GNPDA2: variants seen among roughly 807,000 people sequenced by gnomAD.
The protein encoded by GNPDA2 is glcN6P deaminase 2.
In GNPDA2, 24 loss-of-function variants were observed where a neutral mutation model predicts 27.0. The observed-to-expected ratio is 0.89, with a 90% CI of 0.64 to 1.25. The LOEUF (loss-of-function observed/expected upper bound fraction) is 1.25. Ranked by LOEUF, GNPDA2 falls within the 50% of genes most tolerant of loss-of-function variation. The probability of loss-of-function intolerance (pLI) is 0.00; values close to 1 mark genes in which losing one functional copy is unlikely to be tolerated. For missense variants in GNPDA2, 286 were observed against 335.1 expected (o/e 0.85, Z 1.14); for synonymous variants, 94 against 108.4 (o/e 0.87, Z 0.83).
At chr4:44,706,903 T>G (rs1348980590) in intron 6 of GNPDA2, 1 of 152,014 alleles carries the variant, frequency 6.6e-6, no homozygotes, top group Non-Finnish European at 1.5e-5. Context: ...AAAAGTAGCA[T>G]ACATACTACA....
At chr4:44,705,013 T>C (rs1446807231) in intron 6 of GNPDA2, 6 of 979,668 alleles carry the variant, frequency 6.1e-6, no homozygotes, top group Non-Finnish European at 7.3e-6. Flanking sequence ...TATATACCGT[T>C]ATATAGGTAT....
intron 5 of GNPDA2, among the ~76,000 whole-genome samples, chr4:44,709,080 CTT>C (rs2109698828): frequency 6.6e-6 from 1 of 152,146 alleles, no homozygotes; most frequent in South Asian, 2.1e-4. Flanking sequence ...AGCTAAGAGT[CTT>C]TTCATTATGG....
rs1011416668 is a variant in GNPDA2, at chr4:44,723,094, AATT to A, written c.-35-855_-35-853del. ...CAAAAATTATTCTAAAATTAAGAAAAATTATTATACGTATATTAAGAGATCGGA... is the reference window on the plus strand; with the variant it reads ...CAAAAATTATTCTAAAATTAAGAAAAATTATACGTATATTAAGAGATCGGA... On this transcript the variant is annotated intron_variant, in intron 1 of 6. Coordinates refer to ENST00000295448, the MANE Select transcript of GNPDA2 (RefSeq NM_138335.3). 3.2e-4 allele frequency among the ~76,000 whole-genome samples: 48 copies of A among 152,296 alleles called. No individual in the cohort carries two copies. The Middle Eastern group carries it at 0.014, about 43-fold the overall frequency.
chr4:44,725,056 C>T (rs1318340082), intron 1 of GNPDA2, among the ~76,000 whole-genome samples: 3 of 152,102 alleles, frequency 2.0e-5, no homozygotes, highest in African/African-American at 2.4e-5. Context: ...GTAAGGAGGA[C>T]GAGAAGCATT....
intron 1 of GNPDA2, among the ~76,000 whole-genome samples, 151 bp downstream of exon 1, chr4:44,726,323 C>A (rs1167178857): frequency 6.6e-6 from 1 of 152,166 alleles, no homozygotes; most frequent in African/African-American, 2.4e-5. Flanking sequence ...AGACCCCACG[C>A]GCCCCCAGCC....
intron 6 of GNPDA2, chr4:44,704,305 G>A (rs540092595): frequency 5.1e-6 from 5 of 980,512 alleles, no homozygotes; most frequent in Non-Finnish European, 4.8e-6. Context: ...GGTAATATCA[G>A]CTGTATGATT....
At chr4:44,706,988 T>C (rs999073850) in intron 6 of GNPDA2, 29 of 152,180 alleles carry the variant, frequency 1.9e-4, no homozygotes, top group Admixed American at 1.7e-3. Context: ...AGGTGCTTTA[T>C]GAAAATTACC....
intron 2 of GNPDA2, among the ~76,000 whole-genome samples, chr4:44,719,720 G>A (rs1300540314): frequency 6.6e-6 from 1 of 151,388 alleles, no homozygotes; most frequent in East Asian, 1.9e-4. Flanking sequence ...ATAAAAAGGT[G>A]AGCTGTCACA....
At chr4:44,718,079 G>C (rs927076473) in intron 3 of GNPDA2, among the ~76,000 whole-genome samples, 2 of 151,948 alleles carry the variant, frequency 1.3e-5, no homozygotes, top group East Asian at 1.9e-4. Context: ...CAGAGCTTCT[G>C]ATTTCTAGTC....
chr4:44,711,891 A>C (rs1161396517), intron 4 of GNPDA2, among the ~76,000 whole-genome samples: 1 of 151,812 alleles, frequency 6.6e-6, no homozygotes, highest in Non-Finnish European at 1.5e-5. Context: ...AATCATACTT[A>C]CCCTTACTAG....
chr4:44,721,227 T>A (rs1453745563), intron 2 of GNPDA2, among the ~76,000 whole-genome samples: 4 of 152,110 alleles, frequency 2.6e-5, no homozygotes, highest in Admixed American at 2.6e-4. Flanking sequence ...GGGGAGGAGC[T>A]GGAGAAAACA....
At chr4:44,714,119 G>A (rs1252289489) in intron 4 of GNPDA2, 1 of 163,108 alleles carries the variant, frequency 6.1e-6, no homozygotes, top group Non-Finnish European at 1.3e-5. Context: ...TTACAGGCAT[G>A]CACCACCACG....
chr4:44,711,851 T>C (rs1717005871), intron 4 of GNPDA2, among the ~76,000 whole-genome samples: 1 of 149,652 alleles, frequency 6.7e-6, no homozygotes, highest in African/African-American at 2.5e-5. Context: ...CACAAACATA[T>C]AAAATATAAT....
chr4:44,713,052 A>C (rs1717069321), intron 4 of GNPDA2, among the ~76,000 whole-genome samples: 1 of 152,218 alleles, frequency 6.6e-6, no homozygotes, highest in Admixed American at 6.5e-5. Context: ...AACAAGTGAC[A>C]CATAGGACGC....
chr4:44,707,526 A>C (rs978577925), intron 6 of GNPDA2: 1 of 428,448 alleles, frequency 2.3e-6, no homozygotes, highest in Non-Finnish European at 4.1e-6. Context: ...AAAATTGTTT[A>C]CTGAAAATAG....
intron 4 of GNPDA2, among the ~76,000 whole-genome samples, chr4:44,716,865 C>T (rs975000388): frequency 1.3e-5 from 2 of 151,674 alleles, no homozygotes; most frequent in African/African-American, 4.8e-5. Flanking sequence ...CAGAGTTTAA[C>T]GGGGATTGGG....
chr4:44,709,022 A>G (rs1384494020), intron 5 of GNPDA2, among the ~76,000 whole-genome samples: 5 of 152,184 alleles, frequency 3.3e-5, no homozygotes, highest in African/African-American at 7.2e-5. Context: ...GCGATTAACA[A>G]TTACATTACA....
chr4:44,720,859 A>AT (rs1351999694), intron 2 of GNPDA2, among the ~76,000 whole-genome samples: 3 of 152,178 alleles, frequency 2.0e-5, no homozygotes, highest in Non-Finnish European at 4.4e-5. Flanking sequence ...CACTGCTGAC[A>AT]TTTAAGACTA....
chr4:44,713,807 G>T (rs1389596910), intron 4 of GNPDA2, among the ~76,000 whole-genome samples: 1 of 152,072 alleles, frequency 6.6e-6, no homozygotes, highest in East Asian at 1.9e-4. Context: ...TTGAACCTGG[G>T]AGGTGGAGGT....
Sources: gnomAD v4.1 joint callset for allele counts (sites outside exome capture counted in the v4.1 genomes callset) on GRCh38, gnomAD v4.1.1 for gene constraint, MANE v1.5 for transcripts, NCBI Gene and HGNC (gene_info 2026-07-23, HGNC 2026-07-21) for gene names.